Variants in HECW2 observed in about 807,000 individuals in gnomAD.
The protein encoded by HECW2 is E3 ubiquitin-protein ligase HECW2.
Under a neutral mutation model 175.2 loss-of-function variants are expected in HECW2, and 61 were observed. The observed-to-expected ratio is 0.35, with a 90% CI of 0.28 to 0.43. The LOEUF is 0.43. Ranked by LOEUF, HECW2 falls within the 20% of genes least tolerant of loss-of-function variation. The pLI, the probability that HECW2 is intolerant of heterozygous loss-of-function variation, is 1.00. For synonymous variants in HECW2, 671 were observed against 731.0 expected (o/e 0.92, Z 1.32); for missense variants, 1,524 against 2,000.5 (o/e 0.76, Z 4.54).
rs113089107 is a variant in HECW2, at chr2:196,508,991, C to A, written c.-35-75533G>T. 2.9e-3 allele frequency among the ~76,000 whole-genome samples: 442 copies of A among 152,278 alleles called. 1 individual carries two copies. Among genetic ancestry groups the A allele is most frequent in the African/African-American group, 0.01 (417 of 41,558 alleles). On this transcript the variant is annotated intron_variant, in intron 1 of 28. Coordinates refer to ENST00000644978, the MANE Select transcript of HECW2 (RefSeq NM_001348768.2). ...GCTGAGGCAGGAGAATGGCATGAACCAGGGAAGCAGAGCTTTCAGTGAGCT... is the reference window on the plus strand; with the variant it reads ...GCTGAGGCAGGAGAATGGCATGAACAAGGGAAGCAGAGCTTTCAGTGAGCT...
intron 1 of HECW2, among the ~76,000 whole-genome samples, chr2:196,552,836 G>A (rs1689650549): frequency 1.3e-5 from 2 of 152,166 alleles, no homozygotes; most frequent in African/African-American, 2.4e-5. Context: ...AGTGAATCAG[G>A]GAAAGGAACT....
chr2:196,247,278 C>T (rs879845571), intron 19 of HECW2, among the ~76,000 whole-genome samples: 2 of 152,086 alleles, frequency 1.3e-5, no homozygotes, highest in East Asian at 1.9e-4. Context: ...AATAAAATTA[C>T]AGTAAATTAT....
chr2:196,465,154 GAGTAA>G (rs1443051009), intron 1 of HECW2, among the ~76,000 whole-genome samples: 5 of 152,196 alleles, frequency 3.3e-5, no homozygotes, highest in Non-Finnish European at 7.3e-5. Context: ...ATAGCTTTAA[GAGTAA>G]AGTATTTTAT....
chr2:196,443,014 G>A (rs1410961348), intron 1 of HECW2, among the ~76,000 whole-genome samples: 2 of 152,076 alleles, frequency 1.3e-5, no homozygotes, highest in East Asian at 3.9e-4. Context: ...TCAAAATAAA[G>A]GAAAATAATG....
At chr2:196,276,924 T>A in intron 15 of HECW2, among the ~76,000 whole-genome samples, 1 of 152,206 alleles carries the variant, frequency 6.6e-6, no homozygotes, top group East Asian at 1.9e-4. Context: ...ATATTTTTTC[T>A]TATACAAAAT....
chr2:196,404,990 A>AT (rs1246367063), intron 2 of HECW2, among the ~76,000 whole-genome samples: 2 of 21,724 alleles, frequency 9.2e-5, no homozygotes, highest in Non-Finnish European at 2.1e-4. Context: ...ACTCCCGGCA[A>AT]ATTTTTTTTT....
At chr2:196,565,313 G>A (rs1198149793) in intron 1 of HECW2, among the ~76,000 whole-genome samples, 12 of 152,084 alleles carry the variant, frequency 7.9e-5, no homozygotes. Context: ...TGATGACAAA[G>A]CAGATGGCAC....
At chr2:196,395,280 C>G (rs916607297) in intron 2 of HECW2, among the ~76,000 whole-genome samples, 1 of 152,026 alleles carries the variant, frequency 6.6e-6, no homozygotes, top group South Asian at 2.1e-4. Context: ...ACGGTAAAAG[C>G]TTTATGACAT....
chr2:196,390,029 G>C lies in HECW2; in HGVS notation c.292+43103C>G, dbSNP rs190987758. ...AAAGCTTAGGCTTGAAATAAAAATA[G>C]TTAACATTTATTTAGTACCTTCTCA... On this transcript the variant is annotated intron_variant, in intron 2 of 28. Transcript: ENST00000644978. 9.9e-5 allele frequency among the ~76,000 whole-genome samples: 15 copies of C among 152,180 alleles called. No homozygotes were observed. The East Asian group carries it at 1.2e-3, about 12-fold the overall frequency.
chr2:196,540,965 A>C (rs916395028), intron 1 of HECW2, among the ~76,000 whole-genome samples: 1 of 152,242 alleles, frequency 6.6e-6, no homozygotes, highest in African/African-American at 2.4e-5. Context: ...TCTTGCCAAG[A>C]GACTGAACAT....
intron 23 of HECW2, among the ~76,000 whole-genome samples, chr2:196,223,274 C>G (rs1687734507): frequency 6.6e-6 from 1 of 152,154 alleles, no homozygotes; most frequent in Admixed American, 6.5e-5. Context: ...AAATCTATGT[C>G]ACACTTCAAT....
rs1348717385 is a variant in HECW2, at chr2:196,201,349, G to A, written c.4647C>T (p.Tyr1549=). 9 of 1,613,696 alleles carry A rather than the reference G, an allele frequency of 5.6e-6. No homozygotes were observed. The highest frequency in any genetic ancestry group is 6.8e-6 in the Non-Finnish European group (8 of 1,179,626). The change falls in exon 29 of 29, where the codon TAC becomes TAT. Residue 1549 remains tyrosine, a synonymous_variant. Transcript: ENST00000644978. ...TTTCATAAAGCATGGAAAAGGATGG[G>A]TAGGGAGGCAGATCCAGACGGTTAA... is the stretch of plus-strand genomic sequence containing the variant. The part of the protein sequence containing the change: ...TCFNRLDLPP[Y]PSFSMLYEKL...
intron 13 of HECW2, among the ~76,000 whole-genome samples, chr2:196,296,034 T>C (rs1690798980): frequency 6.6e-6 from 1 of 152,182 alleles, no homozygotes; most frequent in Non-Finnish European, 1.5e-5. Context: ...ACAAAACTCT[T>C]AAGCCAAACA....
chr2:196,497,271 T>C (rs566881613), intron 1 of HECW2, among the ~76,000 whole-genome samples: 1 of 152,344 alleles, frequency 6.6e-6, no homozygotes, highest in South Asian at 2.1e-4. Context: ...TGTACGACTT[T>C]GATTCCTAAA....
At chr2:196,377,010 G>A (rs371600159) in intron 2 of HECW2, among the ~76,000 whole-genome samples, 1 of 152,046 alleles carries the variant, frequency 6.6e-6, no homozygotes, top group African/African-American at 2.4e-5. Context: ...AAAAAACATA[G>A]AGTTACAAAC....
At chr2:196,447,806 C>T (rs1490545850) in intron 1 of HECW2, among the ~76,000 whole-genome samples, 1 of 152,148 alleles carries the variant, frequency 6.6e-6, no homozygotes, top group Non-Finnish European at 1.5e-5. Flanking sequence ...ACCTGTAATC[C>T]CAGCACTTTG....
chr2:196,235,872 A>G (rs1197801683), intron 21 of HECW2, among the ~76,000 whole-genome samples: 2 of 151,684 alleles, frequency 1.3e-5, no homozygotes, highest in Admixed American at 6.6e-5. Flanking sequence ...GCTAGCCAGG[A>G]TGGTCTCGAT....
chr2:196,484,853 G>A (rs1324975596), intron 1 of HECW2, among the ~76,000 whole-genome samples: 1 of 152,200 alleles, frequency 6.6e-6, no homozygotes, highest in Non-Finnish European at 1.5e-5. Flanking sequence ...AACTATGAAA[G>A]TGATGGAGGG....
At chr2:196,498,307 A>G (rs1018031607) in intron 1 of HECW2, among the ~76,000 whole-genome samples, 78 of 152,212 alleles carry the variant, frequency 5.1e-4, no homozygotes, top group African/African-American at 1.9e-3. Context: ...CTATGTAAAT[A>G]TCTTATTGCA....
Sources: allele counts gnomAD v4.1 joint callset (sites outside exome capture counted in the v4.1 genomes callset), GRCh38; gene constraint gnomAD v4.1.1; transcripts MANE v1.5; gene names NCBI Gene and HGNC (gene_info 2026-07-23, HGNC 2026-07-21).